STAMBP: variants seen among roughly 807,000 people sequenced by gnomAD.
STAMBP encodes STAM-binding protein.
STAMBP carries 31 observed loss-of-function variants against 50.7 expected under a neutral mutation model. The ratio of observed to expected loss-of-function variants is 0.61; its 90% CI spans 0.46 to 0.83. The LOEUF is 0.83. Ranked by LOEUF, STAMBP falls within the 40% of genes least tolerant of loss-of-function variation. The probability of loss-of-function intolerance (pLI) is 0.00; values close to 1 mark genes in which losing one functional copy is unlikely to be tolerated. For synonymous variants in STAMBP, 211 were observed against 192.4 expected (o/e 1.10, Z -0.80); for missense variants, 472 against 518.9 (o/e 0.91, Z 0.88).
intron 10 of STAMBP, among the ~76,000 whole-genome samples, chr2:73,872,673 T>C (rs1356930050): frequency 6.6e-6 from 1 of 152,220 alleles, no homozygotes; most frequent in African/African-American, 2.4e-5. Context: ...AAATGAATGT[T>C]CTCATTTTAA....
At chr2:73,857,604 A>G (rs1244226064) in intron 7 of STAMBP, among the ~76,000 whole-genome samples, 1 of 152,202 alleles carries the variant, frequency 6.6e-6, no homozygotes, top group African/African-American at 2.4e-5. Context: ...TGGGTGGGTT[A>G]TTTGGTATGT....
At position 73,866,599 on chromosome 2, in the gene STAMBP, C is replaced by T. The variant is rs1211376588; in HGVS notation, c.*4340C>T. The T allele has an allele frequency of 6.6e-6, 1 of 152,178 alleles. No homozygotes were observed. 9.4% of individuals were successfully genotyped at this position (152,178 alleles called of 1,614,324 possible). Reference sequence around the variant, plus strand: ...CCTAGCCTGGAGAAGCTCTATGTCACCTTGTAGGAAGCCATCTGAATTTGA... The same window carrying T: ...CCTAGCCTGGAGAAGCTCTATGTCATCTTGTAGGAAGCCATCTGAATTTGA... On this transcript the variant is annotated 3_prime_UTR_variant, in exon 10 of 10. Coordinates refer to ENST00000394070, the MANE Select transcript of STAMBP (RefSeq NM_213622.4).
At chr2:73,833,849 G>T (rs995127980) in intron 2 of STAMBP, among the ~76,000 whole-genome samples, 3 of 152,036 alleles carry the variant, frequency 2.0e-5, no homozygotes, top group African/African-American at 7.3e-5. Context: ...ACAATAAACA[G>T]ATAAGCAAAT....
rs369246411 is a variant in STAMBP, at chr2:73,850,083, C to T, written c.868-293C>T. Among the ~76,000 whole-genome samples the T allele has an allele frequency of 6.6e-6, 1 of 152,234 alleles. No homozygotes were observed. Among genetic ancestry groups the T allele is most frequent in the African/African-American group, 2.4e-5 (1 of 41,464 alleles). ...TGAGCAAGGGAAGAGAAATGGTACT[C>T]TACCCAGAGCTTCTCAGCAGAGCAG... On this transcript the variant is annotated intron_variant, in intron 6 of 9. Transcript: ENST00000394070. This position sits in a 1 kb window ranked among gnomAD's most constrained non-coding sequence, Gnocchi z 4.3.
downstream of STAMBP, among the ~76,000 whole-genome samples, chr2:73,868,039 G>A (rs1040978163): frequency 4.0e-5 from 6 of 150,784 alleles, no homozygotes; most frequent in East Asian, 2.0e-4. Context: ...CAGGAGAATC[G>A]TTTGAGCTCA....
chr2:73,858,159 ATTTTTT>A (rs35630978), intron 7 of STAMBP, among the ~76,000 whole-genome samples: 2 of 68,344 alleles, frequency 2.9e-5, no homozygotes, highest in Admixed American at 3.6e-4. Flanking sequence ...ATTGTTTTGT[ATTTTTT>A]TTTTTTTTTT....
chr2:73,847,125 A>C (rs1228734434), intron 4 of STAMBP, among the ~76,000 whole-genome samples: 1 of 151,460 alleles, frequency 6.6e-6, no homozygotes, highest in Admixed American at 6.6e-5. Context: ...AAAGTGCATT[A>C]GGTAGAGTCA....
chr2:73,853,573 T>C (rs1677142915), intron 7 of STAMBP, among the ~76,000 whole-genome samples: 1 of 152,020 alleles, frequency 6.6e-6, no homozygotes, highest in African/African-American at 2.4e-5. Context: ...AACACAAAAA[T>C]TAGCTGGACA....
At chr2:73,861,387 C>G (rs1211902280) in intron 9 of STAMBP, among the ~76,000 whole-genome samples, 1 of 152,162 alleles carries the variant, frequency 6.6e-6, no homozygotes, top group Non-Finnish European at 1.5e-5. Context: ...ATTCCATCTA[C>G]AGGTGGGACT....
chr2:73,866,540 G>A lies in STAMBP; in HGVS notation c.*4281G>A, dbSNP rs907328657. On this transcript the variant is annotated 3_prime_UTR_variant, in exon 10 of 10. Transcript: ENST00000394070. ...TATTGATCAGTTGTTCCTTGGTGTT[G>A]AATAATGTGTTAGGTAGCCAGGTGG... 6 of 152,186 alleles carry A rather than the reference G, an allele frequency of 3.9e-5. No homozygotes were observed. The highest frequency in any genetic ancestry group is 2.0e-4 in the Admixed American group (3 of 15,266). 9.4% of individuals were successfully genotyped at this position (152,186 alleles called of 1,614,324 possible).
intron 4 of STAMBP, among the ~76,000 whole-genome samples, chr2:73,846,755 A>G (rs115940025): frequency 0.011 from 1,630 of 152,282 alleles, 34 homozygotes; most frequent in African/African-American, 0.037. Context: ...ACTGTCTGTG[A>G]TACAGGTTAG....
At chr2:73,868,698 ACAT>A (rs1469134710), downstream of STAMBP, among the ~76,000 whole-genome samples, 1 of 152,064 alleles carries the variant, frequency 6.6e-6, no homozygotes, top group African/African-American at 2.4e-5. Context: ...AGCCTGGGCA[ACAT>A]AGTGAAACCC....
At chr2:73,840,853 A>G (rs969868620) in intron 2 of STAMBP, among the ~76,000 whole-genome samples, 8 of 152,166 alleles carry the variant, frequency 5.3e-5, no homozygotes, top group South Asian at 2.1e-4. Context: ...CCCTCCCTTA[A>G]GATGAAAGGT....
intron 5 of STAMBP, among the ~76,000 whole-genome samples, chr2:73,848,879 A>G (rs1165088355): frequency 6.6e-6 from 1 of 151,986 alleles, no homozygotes; most frequent in Non-Finnish European, 1.5e-5. Flanking sequence ...TTTCCCCCCT[A>G]AATTTTATTT....
chr2:73,833,710 G>A (rs1392347661), intron 2 of STAMBP, among the ~76,000 whole-genome samples: 1 of 152,144 alleles, frequency 6.6e-6, no homozygotes, highest in Middle Eastern at 3.2e-3. Flanking sequence ...TCAGGGCAAA[G>A]ACCATATTCA....
chr2:73,845,586 C>T (rs552777659), intron 4 of STAMBP, among the ~76,000 whole-genome samples: 1 of 151,430 alleles, frequency 6.6e-6, no homozygotes, highest in East Asian at 1.9e-4. Flanking sequence ...GTTGGATTCA[C>T]ATTTGGTTAT....
chr2:73,851,128 G>C (rs1385181767), intron 7 of STAMBP, among the ~76,000 whole-genome samples: 4 of 152,158 alleles, frequency 2.6e-5, no homozygotes, highest in Non-Finnish European at 5.9e-5. Context: ...CTGTATGACA[G>C]AGTTACAAAT....
At chr2:73,853,623 G>A (rs1374105073) in intron 7 of STAMBP, among the ~76,000 whole-genome samples, 1 of 152,206 alleles carries the variant, frequency 6.6e-6, no homozygotes, top group Non-Finnish European at 1.5e-5. Context: ...TCGAGAGGCT[G>A]AGGCAGGAGA....
At position 73,855,258 on chromosome 2, in the gene STAMBP, G is replaced by A. The variant is rs560512382; in HGVS notation, c.1006-3996G>A. ...CTCTTAGGTACCCAGGCTGCCTTCA[G>A]CATTCACCCTCCTTGCTCATTTCTG... On this transcript the variant is annotated intron_variant, in intron 7 of 9. Coordinates refer to ENST00000394070, the MANE Select transcript of STAMBP (RefSeq NM_213622.4). Among the ~76,000 whole-genome samples the A allele has an allele frequency of 3.3e-5, 5 of 152,260 alleles. No individual in the cohort carries two copies. The South Asian group carries it at 1.0e-3, about 32-fold the overall frequency.
Sources: gnomAD v4.1 joint callset for allele counts (sites outside exome capture counted in the v4.1 genomes callset) on GRCh38, gnomAD v4.1.1 for gene constraint, Gnocchi (gnomAD v3.1) non-coding constraint, MANE v1.5 for transcripts, NCBI Gene and HGNC (gene_info 2026-07-23, HGNC 2026-07-21) for gene names.